ARHGAP18: variants seen among roughly 807,000 people sequenced by gnomAD.
ARHGAP18 encodes Rho GTPase activating protein 18.
ARHGAP18 carries 67 observed loss-of-function variants against 86.2 expected under a neutral mutation model. That is an observed-to-expected ratio of 0.78 (90% CI 0.64 to 0.95). ARHGAP18 has a LOEUF of 0.95. Ranked by LOEUF, ARHGAP18 falls within the 40% of genes least tolerant of loss-of-function variation. The pLI, the probability that ARHGAP18 is intolerant of heterozygous loss-of-function variation, is 0.00. For synonymous variants in ARHGAP18, 283 were observed against 280.4 expected (o/e 1.01, Z -0.09); for missense variants, 691 against 780.4 (o/e 0.89, Z 1.37).
At chr6:129,579,654 A>G (rs926914120) in intron 14 of ARHGAP18, among the ~76,000 whole-genome samples, 3 of 152,208 alleles carry the variant, frequency 2.0e-5, no homozygotes, top group African/African-American at 7.2e-5. Flanking sequence ...TTAGCAGGAA[A>G]TCAACTATGG....
intron 1 of ARHGAP18, among the ~76,000 whole-genome samples, chr6:129,674,716 G>T (rs962951229): frequency 6.6e-6 from 1 of 152,138 alleles, no homozygotes; most frequent in African/African-American, 2.4e-5. Flanking sequence ...GGGAACTTGA[G>T]CATCTGTGAA....
At chr6:129,602,165 G>T (rs987232065) in intron 10 of ARHGAP18, among the ~76,000 whole-genome samples, 1 of 152,004 alleles carries the variant, frequency 6.6e-6, no homozygotes, top group African/African-American at 2.4e-5. Flanking sequence ...AACTGCACAG[G>T]TATTCAATGT....
intron 1 of ARHGAP18, among the ~76,000 whole-genome samples, chr6:129,704,018 T>A (rs1774763760): frequency 6.6e-6 from 1 of 152,006 alleles, no homozygotes; most frequent in African/African-American, 2.4e-5. Flanking sequence ...TAATTCAGAA[T>A]GAAGAAACTT....
At chr6:129,683,367 G>A (rs945424426) in intron 1 of ARHGAP18, among the ~76,000 whole-genome samples, 1 of 152,072 alleles carries the variant, frequency 6.6e-6, no homozygotes, top group African/African-American at 2.4e-5. Flanking sequence ...CACCACGCCC[G>A]GCCTTGTTTT....
chr6:129,673,561 T>C (rs994074441), intron 1 of ARHGAP18, among the ~76,000 whole-genome samples: 1 of 152,224 alleles, frequency 6.6e-6, no homozygotes, highest in Non-Finnish European at 1.5e-5. Context: ...TTTAAGCTCT[T>C]ATCTGTCTCA....
At chr6:129,679,480 G>A (rs1774289093) in intron 1 of ARHGAP18, among the ~76,000 whole-genome samples, 1 of 152,176 alleles carries the variant, frequency 6.6e-6, no homozygotes, top group Non-Finnish European at 1.5e-5. Flanking sequence ...CCTACTACAT[G>A]CCAAGTAATG....
intron 10 of ARHGAP18, among the ~76,000 whole-genome samples, chr6:129,603,282 T>C (rs1352775256): frequency 6.6e-6 from 1 of 152,180 alleles, no homozygotes; most frequent in Non-Finnish European, 1.5e-5. Flanking sequence ...CTTAGAATAA[T>C]GGCTTCCGGT....
intron 13 of ARHGAP18, among the ~76,000 whole-genome samples, chr6:129,582,921 C>A (rs1788317812): frequency 6.6e-6 from 1 of 152,162 alleles, no homozygotes; most frequent in Admixed American, 6.5e-5. Flanking sequence ...TACCAATAAG[C>A]CTCTCTCTCA....
intron 12 of ARHGAP18, among the ~76,000 whole-genome samples, chr6:129,593,946 GCCCAAT>G (rs1788565671): frequency 6.6e-6 from 1 of 151,974 alleles, no homozygotes; most frequent in Non-Finnish European, 1.5e-5. Context: ...TAATACAAAT[GCCCAAT>G]TATAAACGGT....
At chr6:129,671,807 CCAGA>C (rs1353860077) in intron 1 of ARHGAP18, among the ~76,000 whole-genome samples, 1 of 152,146 alleles carries the variant, frequency 6.6e-6, no homozygotes, top group Non-Finnish European at 1.5e-5. Context: ...ATTCTAGACA[CCAGA>C]CAATTCTTTG....
intron 1 of ARHGAP18, among the ~76,000 whole-genome samples, chr6:129,685,503 G>A (rs934870828): frequency 1.3e-4 from 19 of 150,614 alleles, no homozygotes; most frequent in Admixed American, 9.3e-4. Flanking sequence ...GCAAGACTCC[G>A]TCTAAAAAAA....
intron 12 of ARHGAP18, among the ~76,000 whole-genome samples, chr6:129,585,780 G>C (rs917046000): frequency 6.6e-6 from 1 of 152,176 alleles, no homozygotes; most frequent in Admixed American, 6.5e-5. Flanking sequence ...TCTGTTGCAG[G>C]ACATATTATG....
chr6:129,622,617 T>G (rs952479670), intron 5 of ARHGAP18, among the ~76,000 whole-genome samples: 7 of 152,210 alleles, frequency 4.6e-5, no homozygotes, highest in Non-Finnish European at 7.3e-5. Context: ...TTTTGTTTAG[T>G]TAATAGACTG....
At chr6:129,611,659 C>A (rs781723725) in intron 7 of ARHGAP18, 49 bp from the exon 8 acceptor site, 5 of 1,499,990 alleles carry the variant, frequency 3.3e-6, no homozygotes, top group Non-Finnish European at 4.6e-6. Context: ...GTAACAGGTA[C>A]AATTCCGAAT....
rs1562696493 is a variant in ARHGAP18, at chr6:129,625,165, T to TATATATTATATATG, written c.786+4187_786+4188insCATATATAATATAT. ...TATTATATATTATATAGATATATAT[T>TATATATTATATATG]ATATATGATATATTATATATTATAT... On this transcript the variant is annotated intron_variant, in intron 5 of 14. Coordinates refer to ENST00000368149, the MANE Select transcript of ARHGAP18 (RefSeq NM_033515.3). Among the ~76,000 whole-genome samples, 88 of 51,484 alleles carry TATATATTATATATG rather than the reference T, an allele frequency of 1.7e-3. 14 individuals are homozygous for TATATATTATATATG. The highest frequency in any genetic ancestry group is 2.4e-3 in the Non-Finnish European group (70 of 29,394). The allele number at this position is 51,484 out of a possible 152,430, so 33.8% of individuals were successfully genotyped here.
chr6:129,679,083 T>C (rs9388724), intron 1 of ARHGAP18, among the ~76,000 whole-genome samples: 29,349 of 152,204 alleles, frequency 0.19, 3,226 homozygotes, highest in Middle Eastern at 0.26. Flanking sequence ...ATTGTCTCTA[T>C]AGAATACTGT....
chr6:129,632,159 T>C (rs1311274525), intron 4 of ARHGAP18, among the ~76,000 whole-genome samples: 2 of 152,208 alleles, frequency 1.3e-5, no homozygotes, highest in Non-Finnish European at 2.9e-5. Context: ...TTTCCAATGT[T>C]TGGCTTACAC....
chr6:129,674,787 T>C (rs1486486621), intron 1 of ARHGAP18, among the ~76,000 whole-genome samples: 1 of 152,180 alleles, frequency 6.6e-6, no homozygotes, highest in African/African-American at 2.4e-5. Flanking sequence ...GAGGACTGTT[T>C]ATGTTTAGTT....
chr6:129,690,341 CAATT>C (rs1366405968), intron 1 of ARHGAP18, among the ~76,000 whole-genome samples: 1 of 152,158 alleles, frequency 6.6e-6, no homozygotes, highest in Non-Finnish European at 1.5e-5. Flanking sequence ...AAGATAGTGA[CAATT>C]AATATCTGAT....
Sources: gnomAD v4.1 joint callset for allele counts (sites outside exome capture counted in the v4.1 genomes callset) on GRCh38, gnomAD v4.1.1 for gene constraint, MANE v1.5 for transcripts, NCBI Gene and HGNC (gene_info 2026-07-23, HGNC 2026-07-21) for gene names.